Variants in HP1BP3 observed in about 807,000 individuals in gnomAD.
The protein encoded by HP1BP3 is heterochromatin protein 1 binding protein 3.
Under a neutral mutation model 62.5 loss-of-function variants are expected in HP1BP3, and 12 were observed. The ratio of observed to expected loss-of-function variants is 0.19; its 90% CI spans 0.12 to 0.31. The LOEUF is 0.31. Ranked by LOEUF, HP1BP3 falls within the 10% of genes least tolerant of loss-of-function variation. HP1BP3 has a pLI of 1.00. For missense variants in HP1BP3, 502 were observed against 651.8 expected (o/e 0.77, Z 2.50); for synonymous variants, 260 against 237.8 (o/e 1.09, Z -0.86).
chr1:20,782,675 A>C (rs1368682974), intron 1 of HP1BP3, among the ~76,000 whole-genome samples: 1 of 151,762 alleles, frequency 6.6e-6, no homozygotes, highest in Admixed American at 6.6e-5. Flanking sequence ...GCCGAGGCGG[A>C]TAGATCACAA....
chr1:20,752,542 A>G (rs1192040822), intron 9 of HP1BP3, among the ~76,000 whole-genome samples: 1 of 152,054 alleles, frequency 6.6e-6, no homozygotes, highest in Non-Finnish European at 1.5e-5. Flanking sequence ...CACCCGCCTC[A>G]GCATCCCAAA....
chr1:20,768,440 C>T (rs757795032), intron 6 of HP1BP3, among the ~76,000 whole-genome samples: 2 of 151,930 alleles, frequency 1.3e-5, no homozygotes, highest in Non-Finnish European at 2.9e-5. Flanking sequence ...AGCGATACTC[C>T]GTCTCAAAAA....
At chr1:20,756,093 C>G (rs956347189) in intron 9 of HP1BP3, among the ~76,000 whole-genome samples, 1 of 152,100 alleles carries the variant, frequency 6.6e-6, no homozygotes, top group Non-Finnish European at 1.5e-5. Context: ...TATAAAGTTA[C>G]TGAAAATCAC....
At chr1:20,770,255 TAAC>T (rs2056995532) in intron 6 of HP1BP3, among the ~76,000 whole-genome samples, 1 of 152,180 alleles carries the variant, frequency 6.6e-6, no homozygotes, top group African/African-American at 2.4e-5. Flanking sequence ...AAATTAATAG[TAAC>T]AAGTCTATCA....
At chr1:20,764,722 A>G (rs1428817796) in intron 8 of HP1BP3, among the ~76,000 whole-genome samples, 2 of 151,374 alleles carry the variant, frequency 1.3e-5, no homozygotes, top group African/African-American at 4.8e-5. Flanking sequence ...CACAAAAAAC[A>G]AAACTAGGCC....
chr1:20,761,519 G>A (rs372536520), intron 8 of HP1BP3, among the ~76,000 whole-genome samples: 19 of 122,044 alleles, frequency 1.6e-4, no homozygotes, highest in Admixed American at 1.5e-3. Context: ...TTTTTGGGGG[G>A]AGAGGGAGCA....
intron 7 of HP1BP3, 128 bp downstream of exon 7, chr1:20,767,456 C>T (rs1332714420): frequency 6.7e-6 from 5 of 744,926 alleles, no homozygotes; most frequent in South Asian, 4.6e-5. Flanking sequence ...TTTATAACTT[C>T]CCTAGGCCTT....
intron 10 of HP1BP3, among the ~76,000 whole-genome samples, chr1:20,748,401 A>G (rs2055478498): frequency 6.6e-6 from 1 of 152,252 alleles, no homozygotes. Context: ...TGCAAATATC[A>G]GTGAAACTGA....
At chr1:20,746,156 A>G (rs2154539488) in intron 11 of HP1BP3, among the ~76,000 whole-genome samples, 1 of 151,870 alleles carries the variant, frequency 6.6e-6, no homozygotes, top group Admixed American at 6.6e-5. Context: ...TTTGATTAAC[A>G]TATCCTTAAA....
intron 2 of HP1BP3, 130 bp downstream of exon 2, chr1:20,780,215 T>C: frequency 1.5e-6 from 1 of 681,042 alleles, no homozygotes; most frequent in Non-Finnish European, 2.6e-6. Context: ...GAAAAGAATC[T>C]GATTTTGTTT....
Position 20,740,833 on chromosome 1 carries a change from A to G in HP1BP3, c.*3964T>C, listed in dbSNP as rs2055061533. Among the ~76,000 whole-genome samples, 1 of 152,266 alleles carries G rather than the reference A, an allele frequency of 6.6e-6. No individual in the cohort carries two copies. Among genetic ancestry groups the G allele is most frequent in the South Asian group, 2.1e-4 (1 of 4,836 alleles). ...CTCCATCTCAAAAAAATAATAAGTAAAAGAATATAGTTATAAAGACGGTAG... is the reference window on the plus strand; with the variant it reads ...CTCCATCTCAAAAAAATAATAAGTAGAAGAATATAGTTATAAAGACGGTAG... On this transcript the variant is annotated 3_prime_UTR_variant, in exon 13 of 13. Transcript: ENST00000438032.
chr1:20,741,207 A>G lies in HP1BP3; in HGVS notation c.*3590T>C, dbSNP rs1344498391. On this transcript the variant is annotated 3_prime_UTR_variant, in exon 13 of 13. Coordinates refer to ENST00000438032, the MANE Select transcript of HP1BP3 (RefSeq NM_001372052.1). ...GTTCCAAAGATAGGAGACCTTAACT[A>G]TAATCCCAAATTTTTAAAGTTTCTC... Among the ~76,000 whole-genome samples, 1 of 152,252 alleles carries G rather than the reference A, an allele frequency of 6.6e-6. No individual in the cohort carries two copies. Among genetic ancestry groups the G allele is most frequent in the Non-Finnish European group, 1.5e-5 (1 of 68,044 alleles).
chr1:20,757,518 T>A (rs1009448185), intron 8 of HP1BP3, among the ~76,000 whole-genome samples: 1 of 151,900 alleles, frequency 6.6e-6, no homozygotes, highest in Non-Finnish European at 1.5e-5. Flanking sequence ...ATAACAGGCA[T>A]GCGCCACCAC....
chr1:20,773,404 A>T lies in HP1BP3; in HGVS notation c.510+47T>A, dbSNP rs368972939. 3.3e-6 allele frequency: 5 copies of T among 1,517,838 alleles called. No homozygotes were observed. In the African/African-American group the frequency reaches 7.0e-5, roughly 21 times the overall value. The allele number at this position is 1,517,838 out of a possible 1,614,324, so 94.0% of individuals were successfully genotyped here. A position where few individuals can be genotyped will look rare whatever the true frequency, so the allele number is the denominator to read the frequency against. On this transcript the variant is annotated intron_variant, in intron 5 of 12. Coordinates refer to ENST00000438032, the MANE Select transcript of HP1BP3 (RefSeq NM_001372052.1). ...ATATGCCATTTTCAAATAAGAAAAA[A>T]ATGAACATAATAAATCTAAGATGAA...
rs757346688 is a variant in HP1BP3, at chr1:20,776,686, A to G, written c.261T>C (p.Pro87=). The change falls in exon 4 of 13, where the codon CCT becomes CCC. Residue 87 remains proline, a synonymous_variant. Transcript: ENST00000438032. ...TVEEQENETP[P]ATSSEAEQPK... The stretch of plus-strand genomic sequence containing the variant: ...GCTGCTCTGCCTCACTCGAAGTAGC[A>G]GGTGGAGTTTCATTCTCTTGTTCTT... 32 of 1,613,720 alleles carry G rather than the reference A, an allele frequency of 2.0e-5. No homozygotes were observed. Among genetic ancestry groups the G allele is most frequent in the East Asian group, 1.8e-4 (8 of 44,866 alleles).
chr1:20,747,000 T>A (rs906891355), intron 11 of HP1BP3, among the ~76,000 whole-genome samples: 1 of 152,092 alleles, frequency 6.6e-6, no homozygotes, highest in African/African-American at 2.4e-5. Context: ...GGCGATAGAG[T>A]GAGACCCTGT....
At chr1:20,763,729 C>T (rs1045757696) in intron 8 of HP1BP3, among the ~76,000 whole-genome samples, 4 of 152,120 alleles carry the variant, frequency 2.6e-5, no homozygotes, top group Non-Finnish European at 4.4e-5. Context: ...TCTGTCAAGA[C>T]GTTAAATGGC....
Position 20,742,757 on chromosome 1 carries a change from T to C in HP1BP3, c.*2040A>G, listed in dbSNP as rs1042553435. The stretch of plus-strand genomic sequence containing the variant: ...AAAGGAAGATTTACAACAGGAAAGA[T>C]TGCCTTACATGCAACACAAATTCCA... On this transcript the variant is annotated 3_prime_UTR_variant, in exon 13 of 13. Transcript: ENST00000438032. 7.2e-5 allele frequency: 11 copies of C among 152,762 alleles called. No homozygotes were observed. Among genetic ancestry groups the C allele is most frequent in the South Asian group, 2.1e-4 (1 of 4,828 alleles). 9.5% of individuals were successfully genotyped at this position (152,762 alleles called of 1,614,324 possible).
intron 8 of HP1BP3, among the ~76,000 whole-genome samples, chr1:20,763,559 C>T (rs1213545613): frequency 6.6e-6 from 1 of 152,156 alleles, no homozygotes; most frequent in Non-Finnish European, 1.5e-5. Flanking sequence ...GGACAATGTG[C>T]ATTCAATATG....
Sources: allele counts gnomAD v4.1 joint callset (sites outside exome capture counted in the v4.1 genomes callset), GRCh38; gene constraint gnomAD v4.1.1; transcripts MANE v1.5; gene names NCBI Gene and HGNC (gene_info 2026-07-23, HGNC 2026-07-21).